LYRM1: variants seen among roughly 807,000 people sequenced by gnomAD.
The protein encoded by LYRM1 is LYR motif containing 1.
A neutral mutation model predicts 14.9 loss-of-function variants in LYRM1; 14 were observed. The ratio of observed to expected loss-of-function variants is 0.94; its 90% CI spans 0.62 to 1.47. The LOEUF is 1.47. Among genes scored for constraint, LYRM1 ranks in the 40% most tolerant of loss-of-function variants. The pLI is 0.00. For missense variants in LYRM1, 153 were observed against 149.9 expected (o/e 1.02, Z -0.11); for synonymous variants, 43 against 56.2 (o/e 0.77, Z 1.05).
intron 1 of LYRM1, among the ~76,000 whole-genome samples, chr16:20,909,256 G>A (rs1228807940): frequency 6.6e-6 from 1 of 152,142 alleles, no homozygotes; most frequent in Non-Finnish European, 1.5e-5. Context: ...TGTTATAACA[G>A]GGCGTGATTT....
At chr16:20,904,934 C>A (rs984695817) in intron 1 of LYRM1, among the ~76,000 whole-genome samples, 3 of 152,022 alleles carry the variant, frequency 2.0e-5, no homozygotes, top group Non-Finnish European at 4.4e-5. Context: ...GGTGTTGGCA[C>A]CTGCATTATA....
rs1489994169 is a variant in LYRM1, at chr16:20,920,179, A to G, written c.217A>G (p.Ile73Val). Residue 73 changes from isoleucine (I) to valine (V), a missense_variant, in exon 3 of 4, where the codon ATT becomes GTT. Physicochemically the swap from Ile to Val is conservative, Grantham distance 29 (BLOSUM62 3). Transcript: ENST00000567954. ...CIDECTARIE[I>V]GLHYKIPYPR... ...AGATGAATGCACAGCCAGGATTGAA[A>G]TTGGACTGCATTACAAGATTCCTTA... 2 of 1,614,114 alleles carry G rather than the reference A, an allele frequency of 1.2e-6. No individual in the cohort carries two copies. Among genetic ancestry groups the G allele is most frequent in the Non-Finnish European group, 1.7e-6 (2 of 1,179,950 alleles).
intron 3 of LYRM1, among the ~76,000 whole-genome samples, chr16:20,923,683 TC>T (rs1187198060): frequency 6.6e-6 from 1 of 152,110 alleles, no homozygotes; most frequent in African/African-American, 2.4e-5. Flanking sequence ...TCGTTTTTTC[TC>T]CTCTATGCAG....
At chr16:20,919,078 T>A (rs2083054347) in intron 2 of LYRM1, among the ~76,000 whole-genome samples, 1 of 152,230 alleles carries the variant, frequency 6.6e-6, no homozygotes, top group South Asian at 2.1e-4. Flanking sequence ...TTCATTTTCC[T>A]ACCTCATAAT....
rs1197723446 is a variant in LYRM1, at chr16:20,900,820, G to GCGC, written c.-65_-63dup. On this transcript the variant is annotated 5_prime_UTR_variant, in exon 1 of 4. Coordinates refer to ENST00000567954, the MANE Select transcript of LYRM1 (RefSeq NM_001128302.3). Reference sequence around the variant, plus strand: ...CGGCCACGGCTCTGCTGGGCTCCTGGCGCCGCCTCCTCCCAGCCCGCCGCG... The same window carrying GCGC: ...CGGCCACGGCTCTGCTGGGCTCCTGGCGCCGCCGCCTCCTCCCAGCCCGCCGCG... 1.3e-5 allele frequency: 2 copies of GCGC among 153,278 alleles called. No individual in the cohort carries two copies. The highest frequency in any genetic ancestry group is 4.8e-5 in the African/African-American group (2 of 41,414). The allele number at this position is 153,278 out of a possible 1,614,324, so 9.5% of individuals were successfully genotyped here. A position where few individuals can be genotyped will look rare whatever the true frequency, so the allele number is the denominator to read the frequency against.
At chr16:20,923,119 C>G (rs1221839165) in intron 3 of LYRM1, among the ~76,000 whole-genome samples, 2 of 152,130 alleles carry the variant, frequency 1.3e-5, no homozygotes, top group Non-Finnish European at 2.9e-5. Context: ...GATTCAAATG[C>G]TAATCTCATC....
At chr16:20,919,977 A>T (rs1035304373) in intron 2 of LYRM1, 145 bp from the exon 3 acceptor site, 3 of 484,224 alleles carry the variant, frequency 6.2e-6, no homozygotes, top group African/African-American at 2.0e-5. Context: ...GGTAAGCTTT[A>T]ATATTAAATT....
Position 20,915,732 on chromosome 16 carries a change from G to A in LYRM1, c.159+18G>A. 1 of 1,612,382 alleles carries A rather than the reference G, an allele frequency of 6.2e-7. No individual in the cohort carries two copies. Among genetic ancestry groups the A allele is most frequent in the Non-Finnish European group, 8.5e-7 (1 of 1,178,806 alleles). ...ACAAAAATGTAAGTAGGCCCCACTT[G>A]GAGATTGTGCAGAGGAGAGTTGTTC... is the stretch of plus-strand genomic sequence containing the variant. On this transcript the variant is annotated intron_variant, in intron 2 of 3. Transcript: ENST00000567954.
intron 1 of LYRM1, among the ~76,000 whole-genome samples, chr16:20,908,163 G>A (rs889289952): frequency 6.6e-6 from 1 of 152,196 alleles, no homozygotes; most frequent in African/African-American, 2.4e-5. Context: ...GAGCAAAGCG[G>A]TGCAGCCATG....
chr16:20,915,455 G>A lies in LYRM1; in HGVS notation c.1-101G>A, dbSNP rs1429526438. 107 of 967,746 alleles carry A rather than the reference G, an allele frequency of 1.1e-4. 1 individual carries two copies. Among genetic ancestry groups the A allele is most frequent in the Middle Eastern group, 3.1e-4 (1 of 3,208 alleles). The allele number at this position is 967,746 out of a possible 1,614,324, so 59.9% of individuals were successfully genotyped here. On this transcript the variant is annotated intron_variant, in intron 1 of 3. Coordinates refer to ENST00000567954, the MANE Select transcript of LYRM1 (RefSeq NM_001128302.3). ...AGCCTGGGCGACAGAGCAAGACTCC[G>A]TCTCAAAAAAAAAAAAAAAAAACTG...
chr16:20,916,330 G>A (rs575415957), intron 2 of LYRM1, among the ~76,000 whole-genome samples: 3 of 152,120 alleles, frequency 2.0e-5, no homozygotes, highest in Non-Finnish European at 2.9e-5. Context: ...ACCCTAAAGC[G>A]TTAGCTGTTA....
chr16:20,923,944 T>C, intron 3 of LYRM1, 56 bp from the exon 4 acceptor site: 1 of 951,750 alleles, frequency 1.1e-6, no homozygotes, highest in Admixed American at 2.0e-5. Flanking sequence ...CCTCAGTGAA[T>C]ATGAGCTGCT....
At chr16:20,922,193 T>G (rs1325656859) in intron 3 of LYRM1, among the ~76,000 whole-genome samples, 1 of 152,136 alleles carries the variant, frequency 6.6e-6, no homozygotes, top group Non-Finnish European at 1.5e-5. Context: ...TTTCACCATG[T>G]TGGCCAGGCT....
At chr16:20,920,869 CAGAGTG>C (rs1392275006) in intron 3 of LYRM1, among the ~76,000 whole-genome samples, 2 of 151,780 alleles carry the variant, frequency 1.3e-5, no homozygotes, top group Admixed American at 1.3e-4. Context: ...GCCTGGGTGA[CAGAGTG>C]AGACCCTGTC....
chr16:20,914,631 G>T (rs76560357), intron 1 of LYRM1, among the ~76,000 whole-genome samples: 7,406 of 151,988 alleles, frequency 0.049, 277 homozygotes, highest in Non-Finnish European at 0.077. Context: ...GACTTAGTGT[G>T]TTTTTTTGAG....
chr16:20,900,380 C>A (rs2081977407), upstream of LYRM1: 2 of 151,592 alleles, frequency 1.3e-5, no homozygotes, highest in East Asian at 3.9e-4. Context: ...GCGGCGGCCG[C>A]CCCGAAGCCC....
At chr16:20,915,783 C>G in intron 2 of LYRM1, 69 bp downstream of exon 2, 2 of 1,528,704 alleles carry the variant, frequency 1.3e-6, no homozygotes, top group South Asian at 2.4e-5. Context: ...TATTTCTTTT[C>G]GGTCTTTAAT....
At chr16:20,902,034 C>T (rs115643597) in intron 1 of LYRM1, among the ~76,000 whole-genome samples, 1 of 152,170 alleles carries the variant, frequency 6.6e-6, no homozygotes, top group Admixed American at 6.5e-5. Context: ...TCGCTTGAAC[C>T]CGGGAGGTGG....
intron 1 of LYRM1, among the ~76,000 whole-genome samples, chr16:20,911,624 G>A (rs931089410): frequency 9.9e-5 from 15 of 151,874 alleles, no homozygotes; most frequent in African/African-American, 2.9e-4. Flanking sequence ...GTTCAAGGCT[G>A]TACAATATTC....
Sources: gnomAD v4.1 joint callset for allele counts (sites outside exome capture counted in the v4.1 genomes callset) on GRCh38, gnomAD v4.1.1 for gene constraint, MANE v1.5 for transcripts, NCBI Gene and HGNC (gene_info 2026-07-23, HGNC 2026-07-21) for gene names.